CDH20: variants seen among roughly 807,000 people sequenced by gnomAD.
The protein encoded by CDH20 is cadherin-20.
CDH20 carries 29 observed loss-of-function variants against 74.2 expected under a neutral mutation model. The ratio of observed to expected loss-of-function variants is 0.39; its 90% CI spans 0.29 to 0.53. The LOEUF is 0.53. Ranked by LOEUF, CDH20 falls within the 20% of genes least tolerant of loss-of-function variation. The pLI is 0.69. For missense variants in CDH20, 988 were observed against 1,048.3 expected (o/e 0.94, Z 0.79); for synonymous variants, 469 against 405.4 (o/e 1.16, Z -1.88).
chr18:61,417,262 A>G (rs979106770), intron 1 of CDH20, among the ~76,000 whole-genome samples: 1 of 152,156 alleles, frequency 6.6e-6, no homozygotes, highest in African/African-American at 2.4e-5. Flanking sequence ...CTAAATCAAA[A>G]AATTCTAAAT....
chr18:61,407,316 C>G (rs1568127600), intron 1 of CDH20, among the ~76,000 whole-genome samples: 1 of 152,104 alleles, frequency 6.6e-6, no homozygotes, highest in Non-Finnish European at 1.5e-5. Context: ...TAAAACTGGC[C>G]AGAAGCTTAT....
At chr18:61,371,014 A>G (rs1911020345) in intron 1 of CDH20, among the ~76,000 whole-genome samples, 1 of 152,128 alleles carries the variant, frequency 6.6e-6, no homozygotes, top group Non-Finnish European at 1.5e-5. Flanking sequence ...TGAACAACAA[A>G]GGAACATTTT....
chr18:61,493,053 T>C (rs1911015463), intron 2 of CDH20, among the ~76,000 whole-genome samples: 1 of 152,222 alleles, frequency 6.6e-6, no homozygotes, highest in Non-Finnish European at 1.5e-5. Context: ...GTATTAATAG[T>C]GGTAATAGTA....
chr18:61,460,181 A>G (rs1205391853), intron 1 of CDH20, among the ~76,000 whole-genome samples: 1 of 152,238 alleles, frequency 6.6e-6, no homozygotes, highest in Non-Finnish European at 1.5e-5. Context: ...GACTGAGCTC[A>G]CTGAAAGGGA....
intron 1 of CDH20, among the ~76,000 whole-genome samples, chr18:61,450,892 A>AT (rs895693125): frequency 1.3e-5 from 2 of 151,898 alleles, no homozygotes; most frequent in African/African-American, 4.8e-5. Flanking sequence ...GAACACTTAC[A>AT]TTTTTTTGAC....
At chr18:61,480,514 C>T (rs1481510999) in intron 1 of CDH20, among the ~76,000 whole-genome samples, 1 of 152,176 alleles carries the variant, frequency 6.6e-6, no homozygotes, top group Admixed American at 6.5e-5. Flanking sequence ...ACAGGACTTC[C>T]AGGTCACAGG....
At chr18:61,453,865 T>A (rs1909482790) in intron 1 of CDH20, among the ~76,000 whole-genome samples, 2 of 152,216 alleles carry the variant, frequency 1.3e-5, no homozygotes, top group South Asian at 4.1e-4. Flanking sequence ...ATGTTTAATT[T>A]TTTTTAAGAA....
chr18:61,388,291 T>C (rs1266139701), intron 1 of CDH20, among the ~76,000 whole-genome samples: 1 of 152,188 alleles, frequency 6.6e-6, no homozygotes, highest in Non-Finnish European at 1.5e-5. Flanking sequence ...CAGAACATAC[T>C]AGGGGAAGGA....
intron 1 of CDH20, among the ~76,000 whole-genome samples, chr18:61,439,311 A>C (rs1908946602): frequency 6.6e-6 from 1 of 152,158 alleles, no homozygotes; most frequent in Non-Finnish European, 1.5e-5. Context: ...AATGGTTGAC[A>C]CTGAGACACT....
intron 6 of CDH20, among the ~76,000 whole-genome samples, chr18:61,525,714 A>G (rs1201549420): frequency 6.6e-6 from 1 of 152,154 alleles, no homozygotes; most frequent in Non-Finnish European, 1.5e-5. Context: ...CAACAAAACA[A>G]AAAAAACTTT....
At chr18:61,527,411 A>ATAGATAGATAGATAGATAGT (rs1407395092) in intron 6 of CDH20, among the ~76,000 whole-genome samples, 1 of 151,620 alleles carries the variant, frequency 6.6e-6, no homozygotes, top group African/African-American at 2.4e-5. Flanking sequence ...AGATAGATAG[A>ATAGATAGATAGATAGATAGT]TAGAATAGAT....
intron 8 of CDH20, 121 bp downstream of exon 8, chr18:61,536,750 T>C (rs1971530197): frequency 1.2e-6 from 1 of 861,786 alleles, no homozygotes; most frequent in Admixed American, 2.4e-5. Context: ...ATGGAAATCA[T>C]GCTTTATGCA....
At chr18:61,491,960 C>T (rs1309757241) in intron 2 of CDH20, among the ~76,000 whole-genome samples, 1 of 152,044 alleles carries the variant, frequency 6.6e-6, no homozygotes, top group African/African-American at 2.4e-5. Flanking sequence ...TTTGCCCTAG[C>T]CTCTTCTCCA....
intron 6 of CDH20, among the ~76,000 whole-genome samples, chr18:61,519,887 CAA>C (rs1276658636): frequency 9.0e-5 from 13 of 144,014 alleles, no homozygotes; most frequent in Admixed American, 7.1e-4. Flanking sequence ...ATCTAACATG[CAA>C]AGACAAACAC....
chr18:61,385,847 T>G (rs1911579813), intron 1 of CDH20, among the ~76,000 whole-genome samples: 1 of 151,724 alleles, frequency 6.6e-6, no homozygotes, highest in African/African-American at 2.4e-5. Flanking sequence ...GGAGAATCAC[T>G]TGAACCTGGG....
At chr18:61,416,885 A>T (rs1486111654) in intron 1 of CDH20, among the ~76,000 whole-genome samples, 1 of 152,248 alleles carries the variant, frequency 6.6e-6, no homozygotes, top group Non-Finnish European at 1.5e-5. Flanking sequence ...AAACACATAC[A>T]TGAAAAACAA....
chr18:61,395,557 C>T (rs995700150), intron 1 of CDH20, among the ~76,000 whole-genome samples: 5 of 152,132 alleles, frequency 3.3e-5, no homozygotes, highest in African/African-American at 1.2e-4. Flanking sequence ...ACCACTGATG[C>T]CCCTGGTCAC....
chr18:61,391,034 C>A (rs746814038), intron 1 of CDH20, among the ~76,000 whole-genome samples: 14 of 151,864 alleles, frequency 9.2e-5, no homozygotes, highest in Non-Finnish European at 1.9e-4. Flanking sequence ...AATAGGAAAC[C>A]CTGTCAACAA....
chr18:61,405,045 G>C (rs1912285214), intron 1 of CDH20: 1 of 686,424 alleles, frequency 1.5e-6, no homozygotes, highest in African/African-American at 1.8e-5. Flanking sequence ...TTTCTTCAAA[G>C]TTGGACAGTT....
Sources: allele counts gnomAD v4.1 joint callset (sites outside exome capture counted in the v4.1 genomes callset), GRCh38; gene constraint gnomAD v4.1.1; transcripts MANE v1.5; gene names NCBI Gene and HGNC (gene_info 2026-07-23, HGNC 2026-07-21).